The following DISP1 variants were observed in gnomAD, a reference collection of about 807,000 sequenced individuals.
The protein encoded by DISP1 is dispatched RND transporter family member 1, also known as protein dispatched homolog 1.
Under a neutral mutation model 37.3 loss-of-function variants are expected in DISP1, and 30 were observed. The observed-to-expected ratio is 0.80, with a 90% CI of 0.60 to 1.09. The LOEUF (loss-of-function observed/expected upper bound fraction) is 1.09, where lower values mean the gene tolerates loss of function less well. Ranked by LOEUF, DISP1 falls within the 50% of genes least tolerant of loss-of-function variation. The probability of loss-of-function intolerance (pLI) is 0.00; values close to 1 mark genes in which losing one functional copy is unlikely to be tolerated. For missense variants in DISP1, 1,598 were observed against 1,879.5 expected, an observed-to-expected ratio of 0.85 and a Z score of 2.77; for synonymous variants, 634 against 690.2, an observed-to-expected ratio of 0.92 and a Z score of 1.28.
chr1:222,827,110 C>T (rs1249630858), intron 1 of DISP1, among the ~76,000 whole-genome samples: 3 of 152,142 alleles, frequency 2.0e-5, no homozygotes, highest in Non-Finnish European at 2.9e-5. Context: ...GATTATGTCA[C>T]CTTGATGAGT....
chr1:222,990,746 C>T lies in DISP1; in HGVS notation c.661C>T (p.Leu221=), dbSNP rs1678643805. 6.2e-7 allele frequency: 1 copy of T among 1,613,898 alleles called. No individual in the cohort carries two copies. Among genetic ancestry groups the T allele is most frequent in the Non-Finnish European group, 8.5e-7 (1 of 1,179,936 alleles). Residue 221 remains leucine (L), a splice_region_variant and synonymous_variant, in exon 5 of 9, where the codon CTG becomes TTG. Transcript: ENST00000675850. ...GCTCCCTGACTTCTCTGATCCATTG[C>T]TGGTAACTAACTTTTATGTTTTCTT... ...PELPDFSDPL[L]GFEPRGTAIG...
chr1:222,877,337 C>T (rs1199302866), intron 1 of DISP1, among the ~76,000 whole-genome samples: 1 of 152,144 alleles, frequency 6.6e-6, no homozygotes, highest in East Asian at 1.9e-4. Context: ...AGGAGCAACT[C>T]ACCTCTTACG....
At chr1:222,988,623 T>C (rs1262872121) in intron 4 of DISP1, among the ~76,000 whole-genome samples, 2 of 151,670 alleles carry the variant, frequency 1.3e-5, no homozygotes, top group Non-Finnish European at 2.9e-5. Flanking sequence ...CTTTCTTTCT[T>C]TTTTCTTCCT....
chr1:222,955,120 T>C (rs1675503120), intron 3 of DISP1, among the ~76,000 whole-genome samples: 1 of 151,378 alleles, frequency 6.6e-6, no homozygotes, highest in East Asian at 1.9e-4. Context: ...ACAGTCTCGC[T>C]CTGTCGCCCA....
chr1:222,845,781 C>T (rs2125298968), intron 1 of DISP1, among the ~76,000 whole-genome samples: 1 of 152,230 alleles, frequency 6.6e-6, no homozygotes, highest in African/African-American at 2.4e-5. Flanking sequence ...CTTTTTTCCC[C>T]TCTATGATAT....
intron 1 of DISP1, among the ~76,000 whole-genome samples, chr1:222,858,035 TATACTATAA>T (rs1668645559): frequency 2.0e-5 from 3 of 152,154 alleles, no homozygotes; most frequent in Admixed American, 6.5e-5. Context: ...GACTTCAAAC[TATACTATAA>T]GGCTATAGTA....
chr1:222,897,648 C>T (rs935682154), intron 1 of DISP1, among the ~76,000 whole-genome samples: 1 of 152,076 alleles, frequency 6.6e-6, no homozygotes, highest in Non-Finnish European at 1.5e-5. Flanking sequence ...ATTCAATGAA[C>T]CTGTCATTAA....
chr1:222,934,430 C>T (rs927933896), intron 2 of DISP1, among the ~76,000 whole-genome samples: 6 of 152,020 alleles, frequency 3.9e-5, no homozygotes, highest in African/African-American at 7.2e-5. Context: ...TTGGCTTCTG[C>T]GTAGCCCCAC....
rs1043181010 is a variant in DISP1, at chr1:222,859,151, A to C, written c.-159+44073A>C. 1.1e-4 allele frequency among the ~76,000 whole-genome samples: 16 copies of C among 152,366 alleles called. No homozygotes were observed. The South Asian group carries it at 2.1e-3, about 20-fold the overall frequency. On this transcript the variant is annotated intron_variant, in intron 1 of 8. Coordinates refer to ENST00000675850, the MANE Select transcript of DISP1 (RefSeq NM_001377229.1). ...ATACACCATGGAATACTATGCAGCC[A>C]TAAAAAGGAATGAGATCATGTCTTT...
intron 3 of DISP1, among the ~76,000 whole-genome samples, chr1:222,976,260 T>A (rs1476883408): frequency 6.6e-6 from 1 of 152,136 alleles, no homozygotes; most frequent in African/African-American, 2.4e-5. Context: ...CCGTAGGTTT[T>A]ATTAGGTCGA....
intron 1 of DISP1, among the ~76,000 whole-genome samples, chr1:222,838,997 T>C (rs1427085364): frequency 1.3e-5 from 2 of 152,216 alleles, no homozygotes; most frequent in East Asian, 3.8e-4. Flanking sequence ...TAGCTAATAC[T>C]AAAAATCTTG....
chr1:222,842,207 T>G (rs1237487156), intron 1 of DISP1, among the ~76,000 whole-genome samples: 1 of 152,090 alleles, frequency 6.6e-6, no homozygotes, highest in Admixed American at 6.6e-5. Context: ...TTAAAGCCTT[T>G]TGTGATATTT....
intron 1 of DISP1, among the ~76,000 whole-genome samples, chr1:222,894,051 C>T (rs1484571011): frequency 2.0e-5 from 3 of 152,118 alleles, no homozygotes; most frequent in Non-Finnish European, 2.9e-5. Flanking sequence ...TTCTCCCAGC[C>T]GGTAGTCCCC....
intron 1 of DISP1, among the ~76,000 whole-genome samples, chr1:222,926,439 T>C (rs80120890): frequency 6.6e-6 from 1 of 152,210 alleles, no homozygotes; most frequent in Non-Finnish European, 1.5e-5. Context: ...TCAGTTCTCA[T>C]TATTTGTGGT....
At chr1:222,847,743 A>T (rs1207554974) in intron 1 of DISP1, among the ~76,000 whole-genome samples, 1 of 152,142 alleles carries the variant, frequency 6.6e-6, no homozygotes, top group Non-Finnish European at 1.5e-5. Context: ...CCCAGGGGGA[A>T]GGGAGAAGGA....
chr1:222,828,170 A>G (rs1664878361), intron 1 of DISP1, among the ~76,000 whole-genome samples: 1 of 152,228 alleles, frequency 6.6e-6, no homozygotes, highest in Admixed American at 6.5e-5. Context: ...GTTAGAAGAA[A>G]TATATGCAGA....
chr1:222,984,859 A>G (rs1215578087), intron 4 of DISP1, among the ~76,000 whole-genome samples: 2 of 152,266 alleles, frequency 1.3e-5, no homozygotes, highest in African/African-American at 2.4e-5. Context: ...TGACTGCTGT[A>G]AGTACCTCGT....
chr1:222,823,202 C>G (rs1663386091), intron 1 of DISP1, among the ~76,000 whole-genome samples: 1 of 152,150 alleles, frequency 6.6e-6, no homozygotes, highest in Non-Finnish European at 1.5e-5. Flanking sequence ...GAAAATTAAT[C>G]ATTATATCAG....
At chr1:222,978,721 T>C (rs1677598353) in intron 3 of DISP1, among the ~76,000 whole-genome samples, 1 of 152,208 alleles carries the variant, frequency 6.6e-6, no homozygotes, top group Non-Finnish European at 1.5e-5. Context: ...AGGGATCCAA[T>C]TTCAGCTTTC....
Sources: gnomAD v4.1 joint callset for allele counts (sites outside exome capture counted in the v4.1 genomes callset) on GRCh38, gnomAD v4.1.1 for gene constraint, MANE v1.5 for transcripts, NCBI Gene and HGNC (gene_info 2026-07-23, HGNC 2026-07-21) for gene names.